CCDC40: variants seen among roughly 807,000 people sequenced by gnomAD.
CCDC40 encodes the protein coiled-coil domain-containing protein 40.
CCDC40 carries 104 observed loss-of-function variants against 124.5 expected under a neutral mutation model. The observed-to-expected ratio is 0.84, with a 90% CI of 0.71 to 0.98. CCDC40 has a LOEUF of 0.98. Ranked by LOEUF, CCDC40 falls within the 50% of genes least tolerant of loss-of-function variation. The pLI is 0.00. For missense variants in CCDC40, 1,463 were observed against 1,503.9 expected (o/e 0.97, Z 0.45); for synonymous variants, 580 against 602.9 (o/e 0.96, Z 0.56).
intron 3 of CCDC40, among the ~76,000 whole-genome samples, chr17:80,044,580 A>T (rs1305693202): frequency 6.6e-6 from 1 of 151,946 alleles, no homozygotes; most frequent in Non-Finnish European, 1.5e-5. Context: ...GCTACTTAGG[A>T]GGCTGAGGCA....
chr17:80,049,882 A>T, intron 5 of CCDC40, 24 bp from the exon 6 acceptor site: 1 of 1,606,542 alleles, frequency 6.2e-7, no homozygotes, highest in East Asian at 2.2e-5. Context: ...AAAGGTAACC[A>T]CCTGTGGTTT....
Position 80,088,038 on chromosome 17 carries a change from C to T in CCDC40, c.2647C>T (p.Gln883Ter), listed in dbSNP as rs755004291. The change falls in exon 16 of 20, where the codon CAG becomes TAG. Residue 883 changes from glutamine (Q) to a stop codon, truncating the protein, a stop_gained. Transcript: ENST00000397545. LOFTEE classifies it high-confidence loss of function. ...KASERETIKM[Q>*]DKLNQLSEEK... ...CTCTGAGAGGGAGACCATCAAGATGCAGGACAAGCTGAACCAGCTCAGCGA... is the reference window on the plus strand; with the variant it reads ...CTCTGAGAGGGAGACCATCAAGATGTAGGACAAGCTGAACCAGCTCAGCGA... The T allele has an allele frequency of 6.2e-7, 1 of 1,613,570 alleles. No individual in the cohort carries two copies. The highest frequency in any genetic ancestry group is 8.5e-7 in the Non-Finnish European group (1 of 1,179,730).
intron 10 of CCDC40, among the ~76,000 whole-genome samples, chr17:80,065,903 A>G (rs1334479586): frequency 6.6e-6 from 1 of 152,186 alleles, no homozygotes; most frequent in African/African-American, 2.4e-5. Context: ...TGGGAGGTAA[A>G]GGTGTCCCTT....
intron 16 of CCDC40, among the ~76,000 whole-genome samples, chr17:80,089,270 A>G (rs552498896): frequency 1.8e-3 from 277 of 152,314 alleles, no homozygotes; most frequent in African/African-American, 6.1e-3. Context: ...GTGTGGAGGC[A>G]CCGTCCTTTC....
At chr17:80,064,328 C>T (rs913062241) in intron 9 of CCDC40, among the ~76,000 whole-genome samples, 15 of 152,148 alleles carry the variant, frequency 9.9e-5, no homozygotes, top group African/African-American at 3.4e-4. Context: ...TGGGACTTGG[C>T]GTTCTACAGG....
chr17:80,092,337 G>A (rs953422503), intron 17 of CCDC40, among the ~76,000 whole-genome samples: 3 of 151,920 alleles, frequency 2.0e-5, no homozygotes, highest in African/African-American at 7.3e-5. Context: ...TGCCCAGCCA[G>A]CCCTACAAGT....
chr17:80,037,683 T>TCAAAAA (rs1254449744), intron 1 of CCDC40, among the ~76,000 whole-genome samples: 2 of 44,392 alleles, frequency 4.5e-5, no homozygotes, highest in Non-Finnish European at 1.0e-4. Context: ...TTTAATTTTT[T>TCAAAAA]AAAAAAGATA....
intron 10 of CCDC40, among the ~76,000 whole-genome samples, chr17:80,069,661 G>A (rs545865720): frequency 6.6e-6 from 1 of 152,194 alleles, no homozygotes; most frequent in East Asian, 1.9e-4. Context: ...TGAGGCAGGA[G>A]AATCGCCTGA....
intron 19 of CCDC40, among the ~76,000 whole-genome samples, chr17:80,098,275 G>A (rs2038847144): frequency 6.6e-6 from 1 of 152,246 alleles, no homozygotes; most frequent in Non-Finnish European, 1.5e-5. Context: ...GCGGCCTTAG[G>A]GAGAGCACAA....
chr17:80,095,590 T>A, intron 18 of CCDC40, 139 bp downstream of exon 18: 1 of 756,168 alleles, frequency 1.3e-6, no homozygotes, highest in Non-Finnish European at 2.2e-6. Flanking sequence ...GCTAACCTGC[T>A]GCTGGGTGCT....
In CCDC40 at chr17:80,099,779, G is replaced by A. The variant is rs369268839; in HGVS notation, c.*4G>A. The stretch of plus-strand genomic sequence containing the variant: ...CGAGTCACCAGGGCCCTCCTAGGGA[G>A]CAGCCTGGACTCCGCCTTGCAAGGC... On this transcript the variant is annotated 3_prime_UTR_variant, in exon 20 of 20. Transcript: ENST00000397545. The A allele has an allele frequency of 2.5e-6, 4 of 1,612,400 alleles. No individual in the cohort carries two copies. The African/African-American group carries it at 4.0e-5, about 16-fold the overall frequency.
At position 80,081,737 on chromosome 17, in the gene CCDC40, C is replaced by T. The variant is rs1167706398; in HGVS notation, c.1754C>T (p.Thr585Ile). Residue 585 changes from threonine (T) to isoleucine (I), a missense_variant, in exon 11 of 20, where the codon ACC becomes ATC. By Grantham distance (89) the Thr-to-Ile change is moderately conservative (BLOSUM62 -1). Transcript: ENST00000397545. ...GTGGCCCTGCAGAGCCAGTTCAATA[C>T]CTACAGGCTCACCCTGCAGGACACA... is the stretch of plus-strand genomic sequence containing the variant. ...KQVALQSQFN[T>I]YRLTLQDTED... is the part of the protein sequence containing the mutation. The T allele has an allele frequency of 2.4e-5, 39 of 1,614,018 alleles. 1 individual carries two copies. The highest frequency in any genetic ancestry group is 3.0e-5 in the Non-Finnish European group (35 of 1,180,026).
intron 3 of CCDC40, among the ~76,000 whole-genome samples, chr17:80,046,590 CT>C (rs1010194635): frequency 1.2e-3 from 180 of 151,080 alleles, no homozygotes; most frequent in Non-Finnish European, 1.4e-3. Context: ...GCATCTGTAG[CT>C]AAGTGTAAAC....
At chr17:80,090,056 T>C in intron 17 of CCDC40, 172 bp downstream of exon 17, 1 of 1,536,668 alleles carries the variant, frequency 6.5e-7, no homozygotes, top group Non-Finnish European at 8.7e-7. Context: ...TCCAGCAGAG[T>C]GACCTGCACT....
chr17:80,064,751 A>G (rs1160951796), intron 9 of CCDC40, among the ~76,000 whole-genome samples: 3 of 127,716 alleles, frequency 2.3e-5, no homozygotes, highest in Non-Finnish European at 4.9e-5. Flanking sequence ...CTAGACTTCC[A>G]GCCTCCGCTC....
In CCDC40 at chr17:80,040,224, C is replaced by T. The variant is rs369066468; in HGVS notation, c.506C>T (p.Ser169Leu). 5.5e-5 allele frequency: 89 copies of T among 1,613,874 alleles called. No individual in the cohort carries two copies. The highest frequency in any genetic ancestry group is 1.1e-4 in the East Asian group (5 of 44,880). ...CCATCCCACGGAGTCTTAGGCCCGTCGGAGCAAATGGGCCAGGTCACCTCT... is the reference window on the plus strand; with the variant it reads ...CCATCCCACGGAGTCTTAGGCCCGTTGGAGCAAATGGGCCAGGTCACCTCT... ...PEPSHGVLGP[S>L]EQMGQVTSGP... Residue 169 changes from serine to leucine, a missense_variant, in exon 3 of 20, where the codon TCG (serine) becomes TTG (leucine). Physicochemically the swap from Ser to Leu is moderately radical, Grantham distance 145. Transcript: ENST00000397545.
chr17:80,079,692 C>T (rs925801625), intron 10 of CCDC40, among the ~76,000 whole-genome samples: 2 of 151,070 alleles, frequency 1.3e-5, no homozygotes, highest in Non-Finnish European at 2.9e-5. Context: ...GAAGCTGAGG[C>T]AGGTGGATCA....
intron 7 of CCDC40, chr17:80,051,189 T>TG (rs2037578548): frequency 3.0e-5 from 7 of 235,586 alleles, no homozygotes; most frequent in Non-Finnish European, 4.2e-5. Flanking sequence ...TGTATTACTC[T>TG]TATAATGGGG....
chr17:80,056,836 G>A (rs1022377961), intron 7 of CCDC40, among the ~76,000 whole-genome samples: 3 of 151,636 alleles, frequency 2.0e-5, no homozygotes, highest in Non-Finnish European at 2.9e-5. Context: ...TCAGGAGATC[G>A]AGACCATCCT....
Sources: gnomAD v4.1 joint callset for allele counts (sites outside exome capture counted in the v4.1 genomes callset) on GRCh38, gnomAD v4.1.1 for gene constraint, MANE v1.5 for transcripts, NCBI Gene and HGNC (gene_info 2026-07-23, HGNC 2026-07-21) for gene names.